The following GEMIN5 variants were observed in gnomAD, a reference collection of about 807,000 sequenced individuals.
The protein encoded by GEMIN5 is gem nuclear organelle associated protein 5, also known as gem-associated protein 5.
A neutral mutation model predicts 176.9 loss-of-function variants in GEMIN5; 124 were observed. The observed-to-expected ratio is 0.70, with a 90% confidence interval of 0.61 to 0.81. GEMIN5 has a LOEUF of 0.81. Among genes scored for constraint, GEMIN5 ranks in the 40% least tolerant of loss-of-function variants. The pLI is 0.00. For missense variants in GEMIN5, 1,843 were observed against 1,814.6 expected (o/e 1.02, Z -0.28); for synonymous variants, 673 against 665.2 (o/e 1.01, Z -0.18).
intron 1 of GEMIN5, among the ~76,000 whole-genome samples, chr5:154,937,587 T>C (rs758606426): frequency 2.6e-5 from 4 of 152,244 alleles, no homozygotes; most frequent in Non-Finnish European, 2.9e-5. Context: ...CATCTTACAG[T>C]AAGGAATGCC....
intron 27 of GEMIN5, among the ~76,000 whole-genome samples, chr5:154,888,986 C>T (rs2113447786): frequency 6.6e-6 from 1 of 152,158 alleles, no homozygotes; most frequent in Middle Eastern, 3.4e-3. Context: ...ATGCTATTCT[C>T]CTGCCTCAGC....
intron 3 of GEMIN5, among the ~76,000 whole-genome samples, chr5:154,934,098 C>T (rs1284385510): frequency 1.3e-5 from 2 of 152,310 alleles, no homozygotes; most frequent in African/African-American, 2.4e-5. Context: ...TCACTGCAAC[C>T]TCCACTGCCC....
At position 154,892,386 on chromosome 5, in the gene GEMIN5, C is replaced by A; in HGVS notation, c.3760+1G>T. On this transcript the variant is annotated splice_donor_variant, in intron 25 of 27. Coordinates refer to ENST00000285873, the MANE Select transcript of GEMIN5 (RefSeq NM_015465.5). LOFTEE classifies it high-confidence loss of function. ...GCCTCAGGCAGCAGGAAGTCACTTA[C>A]CGTCAGGGAGAAAGGCTGAGTACAC... 6.2e-7 allele frequency: 1 copy of A among 1,612,648 alleles called. No homozygotes were observed. Among genetic ancestry groups the A allele is most frequent in the Admixed American group, 1.7e-5 (1 of 60,004 alleles).
Position 154,925,856 on chromosome 5 carries a change from C to A in GEMIN5, c.1293+6G>T. On this transcript the variant is annotated splice_donor_region_variant and intron_variant, in intron 8 of 27. Transcript: ENST00000285873. ...TTCAAAACAAGCTCAAAAAAAGAAT[C>A]CTTACCGCTGTAACCTTGGACTTCA... 2 of 1,555,818 alleles carry A rather than the reference C, an allele frequency of 1.3e-6. No individual in the cohort carries two copies. Among genetic ancestry groups the A allele is most frequent in the Non-Finnish European group, 1.8e-6 (2 of 1,130,650 alleles).
rs1170301085 is a variant in GEMIN5, at chr5:154,907,743, G to C, written c.2243C>G (p.Thr748Ser). The change falls in exon 16 of 28, where the codon ACC (threonine) becomes AGC (serine). Residue 748 changes from threonine (T) to serine (S), a missense_variant. Physicochemically the swap from Thr to Ser is moderately conservative, Grantham distance 58. Coordinates refer to ENST00000285873, the MANE Select transcript of GEMIN5 (RefSeq NM_015465.5). ...KAKPKKKKKP[T>S]LRTPVKLESI... ...TTCCAGCTTTACAGGAGTTCTCAAG[G>C]TGGGCTTTTTCTTCTTTTTGGGCTT... 1 of 1,614,060 alleles carries C rather than the reference G, an allele frequency of 6.2e-7. No individual in the cohort carries two copies. The highest frequency in any genetic ancestry group is 8.5e-7 in the Non-Finnish European group (1 of 1,180,002).
intron 16 of GEMIN5, among the ~76,000 whole-genome samples, chr5:154,906,917 T>C (rs1284153493): frequency 6.6e-6 from 1 of 152,194 alleles, no homozygotes; most frequent in Non-Finnish European, 1.5e-5. Flanking sequence ...TTTAATCGTT[T>C]ATTTTACCAG....
intron 7 of GEMIN5, among the ~76,000 whole-genome samples, chr5:154,927,051 A>AG (rs945920043): frequency 6.8e-4 from 11 of 16,282 alleles, no homozygotes; most frequent in Non-Finnish European, 2.9e-3. Flanking sequence ...ACTCTGTCTC[A>AG]GAAAAAAAAA....
intron 25 of GEMIN5, 44 bp downstream of exon 25, chr5:154,892,340 ATGT>A (rs2113453080): frequency 1.4e-6 from 2 of 1,468,860 alleles, no homozygotes; most frequent in East Asian, 2.3e-5. Context: ...AATGGTGGTG[ATGT>A]TGTCCATTAA....
chr5:154,912,893 T>C lies in GEMIN5; in HGVS notation c.1995+6A>G, dbSNP rs929739834. 4 of 1,611,798 alleles carry C rather than the reference T, an allele frequency of 2.5e-6. No individual in the cohort carries two copies. The highest frequency in any genetic ancestry group is 2.7e-5 in the African/African-American group (2 of 74,878). On this transcript the variant is annotated splice_donor_region_variant and intron_variant, in intron 14 of 27. Transcript: ENST00000285873. The stretch of plus-strand genomic sequence containing the variant: ...AGGACCCACAGGGACAAGGACACAA[T>C]AGTACCTGGGCTGTACCATCATAGG...
chr5:154,917,253 C>CTCAT, intron 12 of GEMIN5, 74 bp from the exon 13 acceptor site: 1 of 751,480 alleles, frequency 1.3e-6, no homozygotes, highest in Non-Finnish European at 2.1e-6. Flanking sequence ...TAGTAGCTCC[C>CTCAT]TCATTCCGTC....
intron 9 of GEMIN5, among the ~76,000 whole-genome samples, chr5:154,921,836 G>A (rs1376586235): frequency 2.0e-5 from 3 of 152,262 alleles, no homozygotes; most frequent in East Asian, 3.9e-4. Context: ...CAAGATTTCA[G>A]GGTAGAGAGA....
In GEMIN5 at chr5:154,937,177, C is replaced by A. The variant is rs775108005; in HGVS notation, c.175G>T (p.Glu59Ter). Reference sequence around the variant, plus strand: ...ACCCTTTCGGTGTGTCCCACCAACTCTCCTATGACTTTAAGCAAAACCAGA... The same window carrying A: ...ACCCTTTCGGTGTGTCCCACCAACTATCCTATGACTTTAAGCAAAACCAGA... ...PGTPPFRVIG[E>*]LVGHTERVSG... Residue 59 changes from glutamate to a stop codon, truncating the protein, a stop_gained, in exon 2 of 28, where the codon GAG (glutamate) becomes TAG (stop). Coordinates refer to ENST00000285873, the MANE Select transcript of GEMIN5 (RefSeq NM_015465.5). LOFTEE classifies it high-confidence loss of function. 1 of 1,602,736 alleles carries A rather than the reference C, an allele frequency of 6.2e-7. No homozygotes were observed. The highest frequency in any genetic ancestry group is 8.5e-7 in the Non-Finnish European group (1 of 1,173,072).
At chr5:154,915,537 A>T (rs1489735800) in intron 13 of GEMIN5, among the ~76,000 whole-genome samples, 1 of 152,224 alleles carries the variant, frequency 6.6e-6, no homozygotes, top group Admixed American at 6.5e-5. Flanking sequence ...TTAAGCATGG[A>T]ATAGTACTTG....
chr5:154,929,641 A>T (rs779520053), intron 5 of GEMIN5, among the ~76,000 whole-genome samples: 1 of 152,250 alleles, frequency 6.6e-6, no homozygotes, highest in Middle Eastern at 3.2e-3. Flanking sequence ...CCATTTTACC[A>T]GACACCTCTA....
Position 154,892,398 on chromosome 5 carries a change from A to G in GEMIN5, c.3749T>C (p.Phe1250Ser), listed in dbSNP as rs753073674. The stretch of plus-strand genomic sequence containing the variant: ...AGGAAGTCACTTACCGTCAGGGAGA[A>G]AGGCTGAGTACACTTCCTGCATGAT... Reference protein sequence around the residue: ...FTIMQEVYSAFLPDGCDHLRD... With the variant: ...FTIMQEVYSASLPDGCDHLRD... The change falls in exon 25 of 28, where the codon TTT (phenylalanine) becomes TCT (serine). Residue 1250 changes from phenylalanine to serine, a missense_variant. By Grantham distance (155) the Phe-to-Ser change is radical. Coordinates refer to ENST00000285873, the MANE Select transcript of GEMIN5 (RefSeq NM_015465.5). 2 of 1,613,676 alleles carry G rather than the reference A, an allele frequency of 1.2e-6. No homozygotes were observed. Among genetic ancestry groups the G allele is most frequent in the South Asian group, 1.1e-5 (1 of 90,982 alleles).
intron 1 of GEMIN5, 58 bp downstream of exon 1, chr5:154,937,910 G>T: frequency 7.1e-7 from 1 of 1,406,604 alleles, no homozygotes; most frequent in Non-Finnish European, 9.4e-7. Context: ...CGTCCACTCG[G>T]CGCCCCTGGG....
At chr5:154,908,224 C>T (rs1472869947) in intron 15 of GEMIN5, among the ~76,000 whole-genome samples, 3 of 146,128 alleles carry the variant, frequency 2.1e-5, no homozygotes, top group East Asian at 2.1e-4. Flanking sequence ...CTTCTTGCCC[C>T]GGCGGGAGTG....
At chr5:154,909,981 GA>G (rs113442614) in intron 15 of GEMIN5, among the ~76,000 whole-genome samples, 30 of 143,468 alleles carry the variant, frequency 2.1e-4, no homozygotes, top group South Asian at 4.4e-4. Flanking sequence ...TCCGTTTCAA[GA>G]AAAAAAAAAA....
intron 12 of GEMIN5, 43 bp from the exon 13 acceptor site, chr5:154,917,222 A>G: frequency 8.4e-7 from 1 of 1,186,046 alleles, no homozygotes; most frequent in Non-Finnish European, 1.2e-6. Context: ...TGGATGATCA[A>G]ATTACAAGTT....
Sources: gnomAD v4.1 joint callset for allele counts (sites outside exome capture counted in the v4.1 genomes callset) on GRCh38, gnomAD v4.1.1 for gene constraint, MANE v1.5 for transcripts, NCBI Gene and HGNC (gene_info 2026-07-23, HGNC 2026-07-21) for gene names.